Variants in TTC29 observed in about 807,000 individuals in gnomAD.
TTC29 encodes tetratricopeptide repeat protein 29.
TTC29 carries 49 observed loss-of-function variants against 58.1 expected under a neutral mutation model. The ratio of observed to expected loss-of-function variants is 0.84; its 90% confidence interval spans 0.67 to 1.07. The LOEUF is 1.07. Among genes scored for constraint, TTC29 ranks in the 50% least tolerant of loss-of-function variants. The probability of loss-of-function intolerance (pLI) is 0.00; values close to 1 mark genes in which losing one functional copy is unlikely to be tolerated. For synonymous variants in TTC29, 209 were observed against 196.8 expected (o/e 1.06, Z -0.52); for missense variants, 582 against 555.6 (o/e 1.05, Z -0.48).
At chr4:146,859,639 G>A (rs1329338658) in intron 8 of TTC29, among the ~76,000 whole-genome samples, 2 of 152,074 alleles carry the variant, frequency 1.3e-5, no homozygotes, top group South Asian at 4.1e-4. Flanking sequence ...TGCTGAAAGA[G>A]TCAAGATTTA....
At chr4:146,883,060 C>T (rs1442923564) in intron 6 of TTC29, among the ~76,000 whole-genome samples, 1 of 152,062 alleles carries the variant, frequency 6.6e-6, no homozygotes, top group African/African-American at 2.4e-5. Flanking sequence ...CAGGAATTCT[C>T]TTGCCTAAAT....
At chr4:146,928,230 G>T (rs1735069053) in intron 4 of TTC29, among the ~76,000 whole-genome samples, 2 of 152,140 alleles carry the variant, frequency 1.3e-5, no homozygotes, top group African/African-American at 2.4e-5. Context: ...AAAAATGAGT[G>T]TTAGACCCAG....
chr4:146,729,196 T>C (rs982970893), intron 11 of TTC29, among the ~76,000 whole-genome samples: 3 of 152,138 alleles, frequency 2.0e-5, no homozygotes, highest in Non-Finnish European at 2.9e-5. Context: ...TGCCATCTTA[T>C]ACTAACTTAT....
intron 8 of TTC29, among the ~76,000 whole-genome samples, chr4:146,842,037 C>T (rs1038995200): frequency 6.6e-6 from 1 of 151,982 alleles, no homozygotes; most frequent in Non-Finnish European, 1.5e-5. Context: ...GCAATGTCTG[C>T]ATATGTTTTA....
intron 11 of TTC29, among the ~76,000 whole-genome samples, chr4:146,736,412 T>C (rs1203984389): frequency 2.0e-5 from 3 of 152,182 alleles, no homozygotes; most frequent in Non-Finnish European, 4.4e-5. Flanking sequence ...ATGGACATCG[T>C]ATCTGATTGG....
At chr4:146,812,931 G>T (rs1391331605) in intron 10 of TTC29, 1 of 152,024 alleles carries the variant, frequency 6.6e-6, no homozygotes, top group Non-Finnish European at 1.5e-5. Flanking sequence ...ATTAGTCTTG[G>T]TAATCTCAAA....
chr4:146,897,243 C>A (rs1385526345), intron 6 of TTC29, among the ~76,000 whole-genome samples: 5 of 152,074 alleles, frequency 3.3e-5, no homozygotes, highest in African/African-American at 9.7e-5. Flanking sequence ...AATTTGAAGA[C>A]CTGAGAGGTA....
intron 11 of TTC29, among the ~76,000 whole-genome samples, chr4:146,772,606 T>C (rs1747818432): frequency 6.6e-6 from 1 of 152,210 alleles, no homozygotes; most frequent in Non-Finnish European, 1.5e-5. Context: ...ACCAGTACCA[T>C]GTGATTTTGG....
chr4:146,814,502 C>T (rs370474198), intron 10 of TTC29, among the ~76,000 whole-genome samples: 1 of 151,880 alleles, frequency 6.6e-6, no homozygotes, highest in Non-Finnish European at 1.5e-5. Context: ...CCGAAGTGGG[C>T]GGATCATGAG....
At chr4:146,812,837 C>T (rs1751115199) in intron 10 of TTC29, 2 of 152,116 alleles carry the variant, frequency 1.3e-5, no homozygotes, top group South Asian at 4.1e-4. Flanking sequence ...AATCTCTTCT[C>T]CAAAGGTTAA....
chr4:146,857,296 G>GTT (rs1729926393), intron 8 of TTC29, among the ~76,000 whole-genome samples: 1 of 151,898 alleles, frequency 6.6e-6, no homozygotes, highest in Admixed American at 6.6e-5. Context: ...GTGTGTGTGT[G>GTT]TGGAGGGTAA....
At chr4:146,893,541 A>G (rs996509408) in intron 6 of TTC29, among the ~76,000 whole-genome samples, 7 of 152,174 alleles carry the variant, frequency 4.6e-5, no homozygotes, top group Admixed American at 6.5e-5. Flanking sequence ...TTCAAGATGG[A>G]TTAAAGACTT....
At chr4:146,925,591 C>T (rs139671978) in intron 4 of TTC29, among the ~76,000 whole-genome samples, 59 of 152,174 alleles carry the variant, frequency 3.9e-4, no homozygotes, top group Non-Finnish European at 6.5e-4. Flanking sequence ...AAATGAGATT[C>T]GTCATTTATC....
At chr4:146,820,997 C>A (rs1439262237) in intron 9 of TTC29, among the ~76,000 whole-genome samples, 1 of 148,706 alleles carries the variant, frequency 6.7e-6, no homozygotes, top group Non-Finnish European at 1.5e-5. Flanking sequence ...ACAGCCTGGG[C>A]AACAGAGCAA....
At chr4:146,787,489 A>G (rs1265545675) in intron 11 of TTC29, among the ~76,000 whole-genome samples, 1 of 152,182 alleles carries the variant, frequency 6.6e-6, no homozygotes, top group Non-Finnish European at 1.5e-5. Flanking sequence ...TGATTTACAT[A>G]GTTGTTTGCT....
chr4:146,839,414 A>G (rs1203139626), intron 8 of TTC29, among the ~76,000 whole-genome samples: 1 of 152,030 alleles, frequency 6.6e-6, no homozygotes, highest in Non-Finnish European at 1.5e-5. Context: ...TGAGCATTAT[A>G]CATTTTATAC....
intron 4 of TTC29, among the ~76,000 whole-genome samples, chr4:146,910,907 G>A (rs1385419518): frequency 6.6e-6 from 1 of 152,206 alleles, no homozygotes; most frequent in African/African-American, 2.4e-5. Flanking sequence ...GAGGAGAAAA[G>A]TATGGAGAAA....
intron 9 of TTC29, among the ~76,000 whole-genome samples, chr4:146,828,814 T>C (rs1289774764): frequency 6.6e-6 from 1 of 152,230 alleles, no homozygotes; most frequent in Non-Finnish European, 1.5e-5. Context: ...TTGTAAGTCA[T>C]TTGCTTTACT....
chr4:146,880,020 C>T (rs1731521194), intron 6 of TTC29, among the ~76,000 whole-genome samples: 4 of 152,104 alleles, frequency 2.6e-5, no homozygotes, highest in Admixed American at 2.6e-4. Context: ...GAATTAAAGG[C>T]CTGCATGCAT....
Sources: allele counts gnomAD v4.1 joint callset (sites outside exome capture counted in the v4.1 genomes callset), GRCh38; gene constraint gnomAD v4.1.1; transcripts MANE v1.5; gene names NCBI Gene and HGNC (gene_info 2026-07-23, HGNC 2026-07-21).